Variants in NCAM1 observed in about 807,000 individuals in gnomAD.
NCAM1 encodes the protein antigen recognized by monoclonal antibody 5.1H11.
In NCAM1, 14 loss-of-function variants were observed where a neutral mutation model predicts 109.8. The observed-to-expected ratio is 0.13, with a 90% CI of 0.08 to 0.20. The LOEUF is 0.20. Among genes scored for constraint, NCAM1 ranks in the 10% least tolerant of loss-of-function variants. NCAM1 has a pLI of 1.00. For synonymous variants in NCAM1, 418 were observed against 442.9 expected (o/e 0.94, Z 0.70); for missense variants, 774 against 1,109.9 (o/e 0.70, Z 4.30).
At chr11:113,049,548 C>G (rs1316349473) in intron 1 of NCAM1, among the ~76,000 whole-genome samples, 2 of 152,142 alleles carry the variant, frequency 1.3e-5, no homozygotes, top group African/African-American at 4.8e-5. Flanking sequence ...GGTGATGATT[C>G]TTTTCCCAGA....
intron 1 of NCAM1, among the ~76,000 whole-genome samples, chr11:113,002,546 A>G (rs1379288376): frequency 9.2e-5 from 14 of 152,214 alleles, no homozygotes; most frequent in African/African-American, 3.4e-4. Flanking sequence ...TGTGTTCTAC[A>G]GAAGAAGAAG....
rs558397955 is a variant in NCAM1 at position 113,208,077 on chromosome 11, A to G, written c.916+75A>G. On this transcript the variant is annotated intron_variant, in intron 7 of 19. Coordinates refer to ENST00000316851, the MANE Select transcript of NCAM1 (RefSeq NM_181351.5). ...TCTGCACATTCAGTCCATCAGTAAG[A>G]CCCTGGCCACTGTCCCTCAGAACAT... 18 of 1,471,140 alleles carry G rather than the reference A, an allele frequency of 1.2e-5. No individual in the cohort carries two copies. The Admixed American group carries it at 1.6e-4, about 13-fold the overall frequency. The allele number at this position is 1,471,140 out of a possible 1,614,324, so 91.1% of individuals were successfully genotyped here. A position where few individuals can be genotyped will look rare whatever the true frequency, so the allele number is the denominator to read the frequency against.
At chr11:113,105,902 G>A (rs1555092462) in intron 1 of NCAM1, among the ~76,000 whole-genome samples, 1 of 152,100 alleles carries the variant, frequency 6.6e-6, no homozygotes, top group East Asian at 1.9e-4. Context: ...TGAGAGATGT[G>A]TATTCTATTT....
At position 113,231,808 on chromosome 11, in the gene NCAM1, TG is replaced by T. The variant is rs1945016225; in HGVS notation, c.1240+17del. 1.2e-6 allele frequency: 2 copies of T among 1,613,562 alleles called. No homozygotes were observed. Among genetic ancestry groups the T allele is most frequent in the Middle Eastern group, 3.3e-4 (2 of 6,062 alleles). On this transcript the variant is annotated intron_variant, in intron 10 of 19. Coordinates refer to ENST00000316851, the MANE Select transcript of NCAM1 (RefSeq NM_181351.5). ...CTTGAAGTGCAATGTAAGGAATAAATGGGGAAGGACCTGGGGGAGGGAGGGG... is the reference window on the plus strand; with the variant it reads ...CTTGAAGTGCAATGTAAGGAATAAATGGGAAGGACCTGGGGGAGGGAGGGG...
At chr11:112,994,888 G>C (rs547618105) in intron 1 of NCAM1, among the ~76,000 whole-genome samples, 2 of 152,000 alleles carry the variant, frequency 1.3e-5, no homozygotes, top group African/African-American at 4.8e-5. Flanking sequence ...TTGTGTGCTT[G>C]TATGTTATCT....
intron 1 of NCAM1, among the ~76,000 whole-genome samples, chr11:113,167,028 A>G (rs1455678824): frequency 6.6e-6 from 1 of 152,152 alleles, no homozygotes; most frequent in Non-Finnish European, 1.5e-5. Context: ...TTTCCCTTGC[A>G]TTTAAAGAGG....
At chr11:113,099,981 C>A (rs1296255797) in intron 1 of NCAM1, among the ~76,000 whole-genome samples, 1 of 152,218 alleles carries the variant, frequency 6.6e-6, no homozygotes, top group Non-Finnish European at 1.5e-5. Flanking sequence ...CCACCGCTCC[C>A]AGCCCCAGGG....
chr11:112,965,059 A>G, intron 1 of NCAM1, among the ~76,000 whole-genome samples: 1 of 144,326 alleles, frequency 6.9e-6, no homozygotes, highest in Admixed American at 7.2e-5. Flanking sequence ...TTCCTTCCAG[A>G]TACCTTTATC....
intron 18 of NCAM1, chr11:113,270,650 C>A: frequency 1.9e-6 from 1 of 517,506 alleles, no homozygotes; most frequent in Non-Finnish European, 3.5e-6. Context: ...GTGTGAAAAT[C>A]CCTGTGTAGG....
At chr11:113,143,237 T>C (rs1307343342) in intron 1 of NCAM1, among the ~76,000 whole-genome samples, 2 of 152,356 alleles carry the variant, frequency 1.3e-5, no homozygotes, top group East Asian at 1.9e-4. Flanking sequence ...ATTTGGCTTT[T>C]ATATCTCCAA....
chr11:113,205,863 C>T (rs551301385), intron 4 of NCAM1, among the ~76,000 whole-genome samples, 180 bp from the exon 5 acceptor site: 1 of 152,264 alleles, frequency 6.6e-6, no homozygotes, highest in East Asian at 1.9e-4. Flanking sequence ...GTACGAAAGA[C>T]AAATTTCTAA....
rs1555063478 is a variant in NCAM1 at position 112,962,314 on chromosome 11, G to T, written c.52+650G>T. Among the ~76,000 whole-genome samples the T allele has an allele frequency of 6.6e-6, 1 of 152,174 alleles. No homozygotes were observed. The highest frequency in any genetic ancestry group is 1.5e-5 in the Non-Finnish European group (1 of 68,034). On this transcript the variant is annotated intron_variant, in intron 1 of 19. Transcript: ENST00000316851. The surrounding 1 kb of genome is among the most constrained non-coding windows in gnomAD (Gnocchi z 5.6). ...TTAGTTTTTCATTTGCCAAATTGCTGGTTAGTTGCAAAGCCTACCCTCGGC... is the reference window on the plus strand; with the variant it reads ...TTAGTTTTTCATTTGCCAAATTGCTTGTTAGTTGCAAAGCCTACCCTCGGC...
chr11:112,965,789 A>T lies in NCAM1; in HGVS notation c.52+4125A>T, dbSNP rs569049642. Among the ~76,000 whole-genome samples the T allele has an allele frequency of 3.3e-5, 5 of 152,324 alleles. No homozygotes were observed. In the East Asian group the frequency reaches 9.6e-4, roughly 29 times the overall value. ...CAATACTACTGGCAGGCTTCCAAAG[A>T]CATTTTACAGACAGTCCTTTCTGAC... On this transcript the variant is annotated intron_variant, in intron 1 of 19. Coordinates refer to ENST00000316851, the MANE Select transcript of NCAM1 (RefSeq NM_181351.5).
At chr11:113,053,177 A>G (rs1953571005) in intron 1 of NCAM1, among the ~76,000 whole-genome samples, 1 of 152,132 alleles carries the variant, frequency 6.6e-6, no homozygotes, top group Non-Finnish European at 1.5e-5. Flanking sequence ...CTGTTCCTGC[A>G]TTAGTTTGCT....
intron 9 of NCAM1, among the ~76,000 whole-genome samples, chr11:113,224,390 C>A (rs553774322): frequency 2.9e-4 from 44 of 152,332 alleles, no homozygotes; most frequent in Admixed American, 3.3e-4. Context: ...GGGGGAGGGG[C>A]GCCCGCCATT....
chr11:113,000,854 A>C (rs200569201), intron 1 of NCAM1, among the ~76,000 whole-genome samples: 2 of 49,146 alleles, frequency 4.1e-5, no homozygotes, highest in African/African-American at 7.1e-5. Flanking sequence ...ATATACACAA[A>C]AAATATATAT....
In NCAM1 at chr11:113,233,462, G is replaced by T. The variant is rs188041552; in HGVS notation, c.1693+145G>T. 1.1e-6 allele frequency: 1 copy of T among 909,110 alleles called. No homozygotes were observed. The highest frequency in any genetic ancestry group is 1.6e-6 in the Non-Finnish European group (1 of 608,194). The allele number at this position is 909,110 out of a possible 1,614,324, so 56.3% of individuals were successfully genotyped here. A position where few individuals can be genotyped will look rare whatever the true frequency, so the allele number is the denominator to read the frequency against. ...CAAAGTCATATCTGCCTGTAGAGTT[G>T]TTGCCCCTATTGCCACCCCAACCCA... On this transcript the variant is annotated intron_variant, in intron 13 of 19. Transcript: ENST00000316851. This position sits in a 1 kb window ranked among gnomAD's most constrained non-coding sequence, Gnocchi z 4.5.
intron 17 of NCAM1, 24 bp from the exon 18 acceptor site, chr11:113,270,164 C>G: frequency 1.2e-6 from 2 of 1,612,530 alleles, no homozygotes; most frequent in East Asian, 2.2e-5. Flanking sequence ...CTGTTAACCA[C>G]CAGCCATCTC....
chr11:113,009,525 G>A (rs1951989490), intron 1 of NCAM1, among the ~76,000 whole-genome samples: 1 of 151,762 alleles, frequency 6.6e-6, no homozygotes, highest in Non-Finnish European at 1.5e-5. Context: ...TTCTCACCCT[G>A]TTGCCCAGGT....
Sources: allele counts gnomAD v4.1 joint callset (sites outside exome capture counted in the v4.1 genomes callset), GRCh38; gene constraint gnomAD v4.1.1; non-coding constraint Gnocchi (gnomAD v3.1); transcripts MANE v1.5; gene names NCBI Gene and HGNC (gene_info 2026-07-23, HGNC 2026-07-21).